Variants in HSPA12A observed in about 807,000 individuals in gnomAD.
The protein encoded by HSPA12A is heat shock 70 kDa protein 12A.
In HSPA12A, 28 loss-of-function variants were observed where a neutral mutation model predicts 69.2. That is an observed-to-expected ratio of 0.40 (90% confidence interval 0.30 to 0.55). The LOEUF is 0.55. Among genes scored for constraint, HSPA12A ranks in the 20% least tolerant of loss-of-function variants. The probability of loss-of-function intolerance (pLI) is 0.38; values close to 1 mark genes in which losing one functional copy is unlikely to be tolerated. For synonymous variants in HSPA12A, 345 were observed against 370.5 expected (o/e 0.93, Z 0.79); for missense variants, 686 against 900.7 (o/e 0.76, Z 3.05).
In HSPA12A at chr10:116,710,580, A is replaced by G. The variant is rs1451236134; in HGVS notation, c.41-3295T>C. ...CGGCAACTGGGCCAATATTAAACAA[A>G]TCATTTGACTTGCTGATCACTCAGC... On this transcript the variant is annotated intron_variant, in intron 1 of 11. Transcript: ENST00000369209. This position sits in a 1 kb window ranked among gnomAD's most constrained non-coding sequence, Gnocchi z 4.1. Among the ~76,000 whole-genome samples, 1 of 152,162 alleles carries G rather than the reference A, an allele frequency of 6.6e-6. No individual in the cohort carries two copies. Among genetic ancestry groups the G allele is most frequent in the Non-Finnish European group, 1.5e-5 (1 of 68,036 alleles).
At chr10:116,738,665 T>C (rs1323813634) in intron 1 of HSPA12A, among the ~76,000 whole-genome samples, 1 of 152,114 alleles carries the variant, frequency 6.6e-6, no homozygotes, top group Non-Finnish European at 1.5e-5. Flanking sequence ...TATCAACCAT[T>C]AAGTACCGAA....
rs537794493 is a variant in HSPA12A, at chr10:116,849,513, G to A, written c.3+53C>T. On this transcript the variant is annotated intron_variant, in intron 1 of 12. Coordinates refer to the HSPA12A transcript ENST00000635765. ...CACGTTGCGTTGCCTAGCGACAGCA[G>A]GGACGCTCGTGGGACCCCAGGCTAA... 1.1e-3 allele frequency: 1,667 copies of A among 1,453,664 alleles called. 37 individuals carry two copies. The South Asian group carries it at 0.023, about 20-fold the overall frequency. 90.0% of individuals were successfully genotyped at this position (1,453,664 alleles called of 1,614,324 possible). A position where few individuals can be genotyped will look rare whatever the true frequency, so the allele number is the denominator to read the frequency against.
chr10:116,721,863 G>A (rs1554884404), intron 1 of HSPA12A, among the ~76,000 whole-genome samples: 1 of 152,210 alleles, frequency 6.6e-6, no homozygotes, highest in African/African-American at 2.4e-5. Context: ...ACCCACGTTG[G>A]TGTGTACATG....
At position 116,750,070 on chromosome 10, in the gene HSPA12A, C is replaced by T. The variant is rs61732074; in HGVS notation, c.92-42785G>A. 4.9e-3 allele frequency: 1,765 copies of T among 363,806 alleles called. 30 individuals are homozygous for T. Among genetic ancestry groups the T allele is most frequent in the African/African-American group, 0.034 (1,626 of 48,394 alleles). 22.5% of individuals were successfully genotyped at this position (363,806 alleles called of 1,614,324 possible). A position where few individuals can be genotyped will look rare whatever the true frequency, so the allele number is the denominator to read the frequency against. ...ACAGGATGATCGCTCACATAACTAA[C>T]ACAGAGAGTGTTTGTCACATTGCTT... On this transcript the variant is annotated intron_variant, in intron 2 of 12. Coordinates refer to the HSPA12A transcript ENST00000635765.
At chr10:116,824,142 A>G (rs996704065) in intron 2 of HSPA12A, among the ~76,000 whole-genome samples, 2 of 152,246 alleles carry the variant, frequency 1.3e-5, no homozygotes, top group African/African-American at 4.8e-5. Flanking sequence ...ATGTCCACTA[A>G]GTATCTGAAA....
At chr10:116,827,756 C>T (rs1845535935) in intron 2 of HSPA12A, among the ~76,000 whole-genome samples, 1 of 152,230 alleles carries the variant, frequency 6.6e-6, no homozygotes, top group Non-Finnish European at 1.5e-5. Context: ...AAGCTTCATT[C>T]TGGACTATTT....
At chr10:116,742,406 G>A in intron 1 of HSPA12A, 24 bp downstream of exon 1, 1 of 1,431,134 alleles carries the variant, frequency 7.0e-7, no homozygotes, top group Non-Finnish European at 9.1e-7. Context: ...AGCCGCGGCC[G>A]CAGGACCCGC....
At chr10:116,830,424 T>A (rs1845592836) in intron 2 of HSPA12A, 1 of 152,184 alleles carries the variant, frequency 6.6e-6, no homozygotes, top group Non-Finnish European at 1.5e-5. Context: ...TACATATTGT[T>A]AATTTATATG....
chr10:116,829,041 C>CA (rs1220700719), intron 2 of HSPA12A: 14 of 152,264 alleles, frequency 9.2e-5, no homozygotes, highest in African/African-American at 3.4e-4. Context: ...GATCAGATTG[C>CA]ATATGCCAGA....
intron 1 of HSPA12A, among the ~76,000 whole-genome samples, chr10:116,840,208 A>G (rs1023624129): frequency 6.6e-6 from 1 of 152,300 alleles, no homozygotes. Context: ...ATTTTCCAAC[A>G]TTCGGTTTAT....
At chr10:116,678,476 T>C (rs1849305797) in intron 10 of HSPA12A, among the ~76,000 whole-genome samples, 1 of 148,656 alleles carries the variant, frequency 6.7e-6, no homozygotes, top group African/African-American at 2.5e-5. Context: ...TTTTGCCATC[T>C]AATAAATTGT....
intron 1 of HSPA12A, among the ~76,000 whole-genome samples, chr10:116,839,972 G>C (rs7090830): frequency 0.05 from 7,635 of 151,942 alleles, 634 homozygotes; most frequent in African/African-American, 0.17. Flanking sequence ...CATGCCCCTA[G>C]TGAATTGGGG....
intron 2 of HSPA12A, among the ~76,000 whole-genome samples, chr10:116,810,558 T>TA (rs1423430898): frequency 1.3e-5 from 2 of 152,176 alleles, no homozygotes; most frequent in Non-Finnish European, 2.9e-5. Flanking sequence ...TCAGAAAAAT[T>TA]AAAGATGCGA....
intron 2 of HSPA12A, among the ~76,000 whole-genome samples, chr10:116,793,264 T>C (rs1030811437): frequency 2.0e-5 from 3 of 152,160 alleles, no homozygotes; most frequent in African/African-American, 7.2e-5. Flanking sequence ...GATAATGCCT[T>C]ATGGAGTTAA....
chr10:116,727,707 C>CT (rs1157299002), intron 1 of HSPA12A, among the ~76,000 whole-genome samples: 1 of 146,306 alleles, frequency 6.8e-6, no homozygotes, highest in African/African-American at 2.5e-5. Flanking sequence ...ATAAAATAGG[C>CT]TTTGTGTTAG....
chr10:116,694,642 G>T (rs570475605), intron 5 of HSPA12A, among the ~76,000 whole-genome samples: 4 of 151,970 alleles, frequency 2.6e-5, no homozygotes, highest in Non-Finnish European at 5.9e-5. Context: ...TTTTGCCCCC[G>T]AGCCCCTACG....
chr10:116,809,871 C>T (rs942017196), intron 2 of HSPA12A, among the ~76,000 whole-genome samples: 2 of 152,196 alleles, frequency 1.3e-5, no homozygotes, highest in East Asian at 1.9e-4. Flanking sequence ...CTGGAAAAGG[C>T]GAGACTTTCG....
intron 2 of HSPA12A, among the ~76,000 whole-genome samples, chr10:116,778,858 C>A (rs1310740198): frequency 6.6e-6 from 1 of 152,142 alleles, no homozygotes; most frequent in East Asian, 1.9e-4. Flanking sequence ...TCGCTAGAGC[C>A]CAGGACGCTG....
chr10:116,685,156 G>T (rs1440880484), intron 6 of HSPA12A, among the ~76,000 whole-genome samples: 7 of 152,240 alleles, frequency 4.6e-5, no homozygotes, highest in Non-Finnish European at 8.8e-5. Flanking sequence ...TGGGAGGAAG[G>T]CCTCAAGTTC....
Sources: gnomAD v4.1 joint callset for allele counts (sites outside exome capture counted in the v4.1 genomes callset) on GRCh38, gnomAD v4.1.1 for gene constraint, Gnocchi (gnomAD v3.1) non-coding constraint, MANE v1.5 for transcripts, NCBI Gene and HGNC (gene_info 2026-07-23, HGNC 2026-07-21) for gene names.